Variants in ANKS1B observed in about 807,000 individuals in gnomAD.
The protein encoded by ANKS1B is ankyrin repeat and sterile alpha motif domain-containing protein 1B.
In ANKS1B, 36 loss-of-function variants were observed where a neutral mutation model predicts 148.3. That is an observed-to-expected ratio of 0.24 (90% CI 0.19 to 0.32). ANKS1B has a LOEUF of 0.32. Ranked by LOEUF, ANKS1B falls within the 10% of genes least tolerant of loss-of-function variation. The pLI is 1.00. For missense variants in ANKS1B, 1,157 were observed against 1,542.6 expected, an observed-to-expected ratio of 0.75 and a Z score of 4.19; for synonymous variants, 542 against 560.8, an observed-to-expected ratio of 0.97 and a Z score of 0.47.
At chr12:99,091,143 A>G (rs2053851389) in intron 15 of ANKS1B, among the ~76,000 whole-genome samples, 1 of 152,180 alleles carries the variant, frequency 6.6e-6, no homozygotes, top group African/African-American at 2.4e-5. Flanking sequence ...TCACTGACCA[A>G]TAAGACATCA....
chr12:99,228,315 G>A (rs1284366063), intron 14 of ANKS1B, among the ~76,000 whole-genome samples: 4 of 152,118 alleles, frequency 2.6e-5, no homozygotes, highest in South Asian at 4.1e-4. Flanking sequence ...GTAAAGTAAG[G>A]TACAGCTATG....
intron 17 of ANKS1B, among the ~76,000 whole-genome samples, chr12:98,863,367 C>A (rs373211765): frequency 6.6e-6 from 1 of 152,128 alleles, no homozygotes; most frequent in South Asian, 2.1e-4. Flanking sequence ...GAATGGGAGA[C>A]GCCAGCTATG....
chr12:99,538,351 T>C lies in ANKS1B; in HGVS notation c.1273-33710A>G, dbSNP rs144710327. On this transcript the variant is annotated intron_variant, in intron 9 of 26. Transcript: ENST00000683438. Reference sequence around the variant, plus strand: ...TGAATCTGTACATTTCTTTGGGTAGTACAAACATTTTAATAATATTGAGTC... The same window carrying C: ...TGAATCTGTACATTTCTTTGGGTAGCACAAACATTTTAATAATATTGAGTC... 2.6e-3 allele frequency among the ~76,000 whole-genome samples: 391 copies of C among 152,256 alleles called. 1 individual carries two copies. The highest frequency in any genetic ancestry group is 8.4e-3 in the African/African-American group (348 of 41,572).
At chr12:99,432,963 T>C (rs971642894) in intron 11 of ANKS1B, among the ~76,000 whole-genome samples, 28 of 152,108 alleles carry the variant, frequency 1.8e-4, no homozygotes, top group Admixed American at 5.2e-4. Context: ...TGGGAAGACA[T>C]TGGAAGGTTG....
At chr12:99,590,160 A>G (rs902312284) in intron 9 of ANKS1B, among the ~76,000 whole-genome samples, 15 of 152,028 alleles carry the variant, frequency 9.9e-5, no homozygotes, top group Non-Finnish European at 1.9e-4. Flanking sequence ...ACATATATAG[A>G]TATGTGAATT....
At position 99,795,680 on chromosome 12, in the gene ANKS1B, C is replaced by T. The variant is rs115442884; in HGVS notation, c.669+10724G>A. Among the ~76,000 whole-genome samples, 473 of 152,060 alleles carry T rather than the reference C, an allele frequency of 3.1e-3. 3 individuals are homozygous for T. The highest frequency in any genetic ancestry group is 0.011 in the African/African-American group (456 of 41,518). On this transcript the variant is annotated intron_variant, in intron 4 of 26. Transcript: ENST00000683438. ...TAAAGGATGATGCACACTGTAGACA[C>T]GGAAAAGGTCCCACTTTATACACAG...
chr12:99,787,611 G>A (rs180678303), intron 4 of ANKS1B, among the ~76,000 whole-genome samples: 83 of 152,274 alleles, frequency 5.5e-4, no homozygotes, highest in African/African-American at 1.8e-3. Flanking sequence ...CTGGAACACC[G>A]AATATTAACA....
At chr12:99,059,608 C>G (rs1482094261) in intron 16 of ANKS1B, among the ~76,000 whole-genome samples, 1 of 151,938 alleles carries the variant, frequency 6.6e-6, no homozygotes, top group East Asian at 1.9e-4. Context: ...GGGCAAGTCA[C>G]TTCATCTCTC....
intron 9 of ANKS1B, among the ~76,000 whole-genome samples, chr12:99,583,948 A>G (rs1456075542): frequency 6.6e-6 from 1 of 152,218 alleles, no homozygotes; most frequent in Admixed American, 6.5e-5. Flanking sequence ...TTACCTGTCA[A>G]TGTTAGAGTT....
chr12:98,794,389 TC>T (rs747509402), intron 22 of ANKS1B: 107 of 159,610 alleles, frequency 6.7e-4, no homozygotes, highest in South Asian at 1.1e-3. Context: ...CGAAACTCTG[TC>T]TCAAAAAAAA....
At chr12:99,665,949 C>T (rs2153460065) in intron 8 of ANKS1B, among the ~76,000 whole-genome samples, 1 of 152,194 alleles carries the variant, frequency 6.6e-6, no homozygotes, top group South Asian at 2.1e-4. Context: ...TTTGCTTTTA[C>T]ATTTTGATCT....
At chr12:99,915,509 T>C (rs534784826) in intron 1 of ANKS1B, among the ~76,000 whole-genome samples, 2 of 152,288 alleles carry the variant, frequency 1.3e-5, no homozygotes, top group East Asian at 1.9e-4. Context: ...AAAACACTAA[T>C]GGGATGTCAA....
intron 10 of ANKS1B, among the ~76,000 whole-genome samples, chr12:99,468,963 T>C (rs1169025441): frequency 6.6e-6 from 1 of 152,120 alleles, no homozygotes; most frequent in South Asian, 2.1e-4. Context: ...GGACTATAAA[T>C]CATGCTGCTA....
chr12:99,618,939 G>A lies in ANKS1B; in HGVS notation c.1272+36128C>T, dbSNP rs544937020. Among the ~76,000 whole-genome samples, 9 of 152,108 alleles carry A rather than the reference G, an allele frequency of 5.9e-5. No homozygotes were observed. In the South Asian group the frequency reaches 6.2e-4, roughly 11 times the overall value. Reference sequence around the variant, plus strand: ...AGCTGTGAAAAGCACCTCAGTAGTCGGCACTGGAATTGTACTCTACCCTGT... The same window carrying A: ...AGCTGTGAAAAGCACCTCAGTAGTCAGCACTGGAATTGTACTCTACCCTGT... On this transcript the variant is annotated intron_variant, in intron 9 of 26. Coordinates refer to ENST00000683438, the MANE Select transcript of ANKS1B (RefSeq NM_001352186.2).
intron 1 of ANKS1B, among the ~76,000 whole-genome samples, chr12:99,857,586 C>A (rs1390022131): frequency 6.6e-6 from 1 of 152,070 alleles, no homozygotes; most frequent in East Asian, 1.9e-4. Flanking sequence ...CAAAGCAGGA[C>A]TAAGCAAAAA....
At chr12:99,588,483 C>T (rs1335194570) in intron 9 of ANKS1B, among the ~76,000 whole-genome samples, 1 of 151,430 alleles carries the variant, frequency 6.6e-6, no homozygotes, top group Non-Finnish European at 1.5e-5. Context: ...GTGGTGCCAT[C>T]TCGGCTCACT....
At chr12:99,249,030 A>T (rs1208792768) in intron 12 of ANKS1B, among the ~76,000 whole-genome samples, 1 of 152,134 alleles carries the variant, frequency 6.6e-6, no homozygotes, top group Non-Finnish European at 1.5e-5. Flanking sequence ...TCTTGTTCCA[A>T]TGCATTTTTT....
chr12:99,873,834 C>A (rs2091802488), intron 1 of ANKS1B, among the ~76,000 whole-genome samples: 1 of 151,966 alleles, frequency 6.6e-6, no homozygotes, highest in Admixed American at 6.6e-5. Context: ...CAGTTGAAGG[C>A]CTTAACAGTC....
chr12:99,039,574 G>T (rs1032821261), intron 17 of ANKS1B, among the ~76,000 whole-genome samples: 4 of 152,226 alleles, frequency 2.6e-5, no homozygotes, highest in African/African-American at 9.6e-5. Flanking sequence ...ACTAGAAACT[G>T]AAATTGGCTC....
Sources: allele counts gnomAD v4.1 joint callset (sites outside exome capture counted in the v4.1 genomes callset), GRCh38; gene constraint gnomAD v4.1.1; transcripts MANE v1.5; gene names NCBI Gene and HGNC (gene_info 2026-07-23, HGNC 2026-07-21).